SEZ6L: variants seen among roughly 807,000 people sequenced by gnomAD.
The protein encoded by SEZ6L is seizure 6-like protein.
A neutral mutation model predicts 106.2 loss-of-function variants in SEZ6L; 37 were observed. The observed-to-expected ratio is 0.35, with a 90% confidence interval of 0.27 to 0.46. The LOEUF (loss-of-function observed/expected upper bound fraction) is 0.46. SEZ6L is among the 20% of genes least tolerant of loss of function. The pLI is 1.00. For missense variants in SEZ6L, 1,172 were observed against 1,332.8 expected, an observed-to-expected ratio of 0.88 and a Z score of 1.88; for synonymous variants, 541 against 570.4, an observed-to-expected ratio of 0.95 and a Z score of 0.73.
chr22:26,204,431 T>C (rs903991310), intron 1 of SEZ6L, among the ~76,000 whole-genome samples: 2 of 152,244 alleles, frequency 1.3e-5, no homozygotes, highest in African/African-American at 4.8e-5. Context: ...GCTCAATATA[T>C]AATCAAATTG....
chr22:26,314,933 T>C (rs591072), intron 9 of SEZ6L, among the ~76,000 whole-genome samples: 26,310 of 152,188 alleles, frequency 0.17, 3,091 homozygotes, highest in Non-Finnish European at 0.26. Context: ...CTCTTTCCAC[T>C]GCCCCATGTG....
intron 5 of SEZ6L, among the ~76,000 whole-genome samples, chr22:26,301,056 G>A (rs591919): frequency 8.5e-4 from 130 of 152,176 alleles, no homozygotes; most frequent in Middle Eastern, 3.4e-3. Flanking sequence ...GTTGCACACC[G>A]TGCCAGAGGC....
chr22:26,209,479 A>T (rs961027461), intron 1 of SEZ6L, among the ~76,000 whole-genome samples: 1 of 150,296 alleles, frequency 6.7e-6, no homozygotes, highest in Non-Finnish European at 1.5e-5. Flanking sequence ...GGATGGATGG[A>T]TGGATGGATG....
intron 1 of SEZ6L, among the ~76,000 whole-genome samples, chr22:26,189,385 C>T (rs1940020210): frequency 6.6e-6 from 1 of 152,164 alleles, no homozygotes; most frequent in African/African-American, 2.4e-5. Flanking sequence ...TCCCAGATTA[C>T]CATTTTCTAA....
Position 26,361,518 on chromosome 22 carries a change from A to G in SEZ6L, c.2600-3854A>G, listed in dbSNP as rs867325831. ...TGAGACTCTGTCTCAAAAAAAAAAA[A>G]AAATATATATATATATATATGTATT... On this transcript the variant is annotated intron_variant, in intron 12 of 16. Transcript: ENST00000248933. Among the ~76,000 whole-genome samples the G allele has an allele frequency of 3.8e-3, 505 of 134,004 alleles. 16 individuals carry two copies. The highest frequency in any genetic ancestry group is 0.033 in the Admixed American group (445 of 13,584). 87.9% of individuals were successfully genotyped at this position (134,004 alleles called of 152,430 possible).
chr22:26,337,501 G>T (rs148766994), intron 9 of SEZ6L, among the ~76,000 whole-genome samples: 6 of 152,274 alleles, frequency 3.9e-5, no homozygotes, highest in Non-Finnish European at 8.8e-5. Context: ...TTCATGGTAC[G>T]TAGAGCTAAA....
At chr22:26,200,677 T>A (rs1940881512) in intron 1 of SEZ6L, among the ~76,000 whole-genome samples, 1 of 152,208 alleles carries the variant, frequency 6.6e-6, no homozygotes, top group Non-Finnish European at 1.5e-5. Context: ...CAGTGTGCCA[T>A]CAGCCTTCTC....
intron 1 of SEZ6L, among the ~76,000 whole-genome samples, chr22:26,282,170 G>A (rs900394207): frequency 2.6e-5 from 4 of 152,208 alleles, no homozygotes; most frequent in South Asian, 2.1e-4. Flanking sequence ...AGCTCTTGCC[G>A]TGTTACACTC....
chr22:26,346,605 C>A (rs2083015822), intron 10 of SEZ6L, among the ~76,000 whole-genome samples: 1 of 152,186 alleles, frequency 6.6e-6, no homozygotes, highest in Admixed American at 6.5e-5. Flanking sequence ...AGGATGCCAG[C>A]CAGAGCTGCA....
Position 26,299,015 on chromosome 22 carries a change from G to C in SEZ6L, c.1194G>C (p.Arg398=). The C allele has an allele frequency of 6.3e-7, 1 of 1,591,758 alleles. No individual in the cohort carries two copies. The highest frequency in any genetic ancestry group is 1.1e-5 in the South Asian group (1 of 87,706). The change falls in exon 5 of 17, where the codon CGG becomes CGC. Residue 398 remains arginine (R), a synonymous_variant. Coordinates refer to ENST00000248933, the MANE Select transcript of SEZ6L (RefSeq NM_021115.5). ...AFMLSCNFPR[R]PDSGDVTVMD... is the part of the protein sequence containing the mutation. ...TGCTGAGCTGCAACTTTCCCCGCCG[G>C]CCTGACTCTGGGGATGTCACGGTGA...
At chr22:26,295,222 A>T (rs2081267322) in intron 3 of SEZ6L, among the ~76,000 whole-genome samples, 1 of 152,172 alleles carries the variant, frequency 6.6e-6, no homozygotes, top group African/African-American at 2.4e-5. Context: ...CAATGCAGAG[A>T]TCATTTGGCC....
intron 1 of SEZ6L, among the ~76,000 whole-genome samples, chr22:26,203,956 G>A (rs1005550663): frequency 6.6e-6 from 1 of 152,168 alleles, no homozygotes; most frequent in Admixed American, 6.5e-5. Context: ...TGAGGCAAGA[G>A]GGTTGTTACT....
intron 1 of SEZ6L, among the ~76,000 whole-genome samples, chr22:26,257,740 C>T (rs1361456984): frequency 6.6e-6 from 1 of 152,156 alleles, no homozygotes; most frequent in East Asian, 1.9e-4. Flanking sequence ...CAAGGAGAAC[C>T]TAGCTTCTCC....
intron 1 of SEZ6L, among the ~76,000 whole-genome samples, chr22:26,278,971 AG>A: frequency 9.2e-6 from 1 of 108,612 alleles, no homozygotes; most frequent in Non-Finnish European, 2.0e-5. Context: ...GGAGAGAGGA[AG>A]GGAGGGAGGG....
chr22:26,377,570 G>A, intron 15 of SEZ6L, 103 bp from the exon 16 acceptor site: 1 of 890,300 alleles, frequency 1.1e-6, no homozygotes, highest in South Asian at 1.4e-5. Flanking sequence ...GTCATTCACA[G>A]AGGTGCCGCT....
intron 1 of SEZ6L, among the ~76,000 whole-genome samples, chr22:26,256,303 A>G (rs1010485026): frequency 2.0e-5 from 3 of 152,216 alleles, no homozygotes; most frequent in African/African-American, 4.8e-5. Context: ...GAAGTGAACA[A>G]AGGAAGTGAA....
chr22:26,179,439 G>A (rs565705754), intron 1 of SEZ6L, among the ~76,000 whole-genome samples: 2 of 152,240 alleles, frequency 1.3e-5, no homozygotes, highest in South Asian at 4.2e-4. Context: ...CACCATGAGA[G>A]GTAGAAATGT....
intron 16 of SEZ6L, 44 bp downstream of exon 16, chr22:26,377,819 G>T: frequency 7.3e-7 from 1 of 1,374,738 alleles, no homozygotes; most frequent in Non-Finnish European, 1.0e-6. Context: ...CTCCCTCTTT[G>T]CTCTGAATTC....
chr22:26,244,018 C>T (rs1211298690), intron 1 of SEZ6L, among the ~76,000 whole-genome samples: 1 of 151,990 alleles, frequency 6.6e-6, no homozygotes, highest in Non-Finnish European at 1.5e-5. Context: ...CAAAAATTAG[C>T]CAGACATGGT....
Sources: gnomAD v4.1 joint callset for allele counts (sites outside exome capture counted in the v4.1 genomes callset) on GRCh38, gnomAD v4.1.1 for gene constraint, MANE v1.5 for transcripts, NCBI Gene and HGNC (gene_info 2026-07-23, HGNC 2026-07-21) for gene names.